Variants in PHACTR2 observed in about 807,000 individuals in gnomAD.
PHACTR2 encodes chromosome 6 open reading frame 56.
Under a neutral mutation model 76.0 loss-of-function variants are expected in PHACTR2, and 30 were observed. The observed-to-expected ratio is 0.39, with a 90% CI of 0.30 to 0.54. PHACTR2 has a LOEUF of 0.54. PHACTR2 is among the 20% of genes least tolerant of loss of function. The pLI is 0.61. For missense variants in PHACTR2, 696 were observed against 781.1 expected (o/e 0.89, Z 1.30); for synonymous variants, 292 against 292.5 (o/e 1.00, Z 0.02).
chr6:143,732,994 A>C (rs1001059813), intron 2 of PHACTR2, among the ~76,000 whole-genome samples: 1 of 152,094 alleles, frequency 6.6e-6, no homozygotes, highest in Non-Finnish European at 1.5e-5. Context: ...GCTCAAAGCA[A>C]TCCTCCTGCC....
chr6:143,701,276 G>C (rs1777906371), intron 1 of PHACTR2, among the ~76,000 whole-genome samples: 2 of 151,870 alleles, frequency 1.3e-5, no homozygotes, highest in Non-Finnish European at 2.9e-5. Context: ...TTTCCCTCTG[G>C]GAGTTTAAAA....
At chr6:143,804,129 G>T (rs901989677) in intron 11 of PHACTR2, among the ~76,000 whole-genome samples, 1 of 152,176 alleles carries the variant, frequency 6.6e-6, no homozygotes, top group South Asian at 2.1e-4. Context: ...ATTTGGGAAG[G>T]GCTCGGCCCA....
Position 143,742,486 on chromosome 6 carries a change from T to C in PHACTR2, c.215-6499T>C, listed in dbSNP as rs1250547773. The stretch of plus-strand genomic sequence containing the variant: ...ATTGTTCCAGCAAATTTTTTGGGCC[T>C]GGATCTTATTTCTGCAACTTGAGCA... On this transcript the variant is annotated intron_variant, in intron 2 of 12. Coordinates refer to ENST00000440869, the MANE Select transcript of PHACTR2 (RefSeq NM_001100164.2). The surrounding 1 kb of genome is among the most constrained non-coding windows in gnomAD (Gnocchi z 4.5). 6.6e-6 allele frequency among the ~76,000 whole-genome samples: 1 copy of C among 152,214 alleles called. No individual in the cohort carries two copies. Among genetic ancestry groups the C allele is most frequent in the East Asian group, 1.9e-4 (1 of 5,200 alleles).
intron 9 of PHACTR2, among the ~76,000 whole-genome samples, chr6:143,778,960 G>T (rs1775350904): frequency 6.6e-6 from 1 of 152,152 alleles, no homozygotes; most frequent in Admixed American, 6.5e-5. Flanking sequence ...TTTCCTGGAG[G>T]TTTGGGAAAG....
chr6:143,716,437 C>T (rs1213809823), intron 2 of PHACTR2, among the ~76,000 whole-genome samples: 3 of 152,096 alleles, frequency 2.0e-5, no homozygotes, highest in South Asian at 2.1e-4. Context: ...GAAATCCTCC[C>T]GCCTCAGCCT....
At chr6:143,736,554 A>ATTTTTTTTTTTT (rs776969170) in intron 2 of PHACTR2, among the ~76,000 whole-genome samples, 1 of 56,990 alleles carries the variant, frequency 1.8e-5, no homozygotes, top group African/African-American at 6.5e-5. Flanking sequence ...ACCCTTTACA[A>ATTTTTTTTTTTT]TTTTTTTTTT....
rs1775429944 is a variant in PHACTR2 at position 143,570,114 on chromosome 6, A to G, written c.217+32907A>G. On this transcript the variant is annotated intron_variant, in intron 1 of 11. Transcript: ENST00000367584. This position sits in a 1 kb window ranked among gnomAD's most constrained non-coding sequence, Gnocchi z 4.6. ...GTTTTTCTCCTTATTCTCTGCTCTTAAGAGATTCTGTTTCCCTTAAGTGTG... is the reference window on the plus strand; with the variant it reads ...GTTTTTCTCCTTATTCTCTGCTCTTGAGAGATTCTGTTTCCCTTAAGTGTG... Among the ~76,000 whole-genome samples the G allele has an allele frequency of 6.6e-6, 1 of 152,224 alleles. No homozygotes were observed. The highest frequency in any genetic ancestry group is 6.5e-5 in the Admixed American group (1 of 15,278).
At position 143,561,110 on chromosome 6, in the gene PHACTR2, CA is replaced by C. The variant is rs1034864536; in HGVS notation, c.217+23904del. ...CTGGCTGCCAGCCTGGGCCAGGCCC[CA>C]CACACCTCAAACACAAGCAGGGATT... On this transcript the variant is annotated intron_variant, in intron 1 of 11. Coordinates refer to the PHACTR2 transcript ENST00000367584. This position sits in a 1 kb window ranked among gnomAD's most constrained non-coding sequence, Gnocchi z 4.1. The C allele has an allele frequency of 4.6e-5, 7 of 153,190 alleles. No individual in the cohort carries two copies. Among genetic ancestry groups the C allele is most frequent in the African/African-American group, 1.7e-4 (7 of 41,454 alleles). 9.5% of individuals were successfully genotyped at this position (153,190 alleles called of 1,614,324 possible).
rs11325694 is a variant in PHACTR2 at position 143,555,923 on chromosome 6, C to CTTT, written c.217+18729_217+18731dup. On this transcript the variant is annotated intron_variant, in intron 1 of 11. Transcript: ENST00000367584. ...GAATTTAGGGCACTATGACATTTAGCTTTTTTTTTTTTTTTAAAGACTGTT... is the reference window on the plus strand; with the variant it reads ...GAATTTAGGGCACTATGACATTTAGCTTTTTTTTTTTTTTTTTTAAAGACTGTT... 4.3e-5 allele frequency among the ~76,000 whole-genome samples: 6 copies of CTTT among 138,906 alleles called. No individual in the cohort carries two copies. The Admixed American group carries it at 4.4e-4, about 10-fold the overall frequency. 91.1% of individuals were successfully genotyped at this position (138,906 alleles called of 152,430 possible).
rs891603487 is a variant in PHACTR2, at chr6:143,780,624, A to G, written c.1646-2595A>G. ...TTCTTTCTTCTTTTAGCTCATCCACAAAATTCTCTGGGTAACATTGCTCGC... is the reference window on the plus strand; with the variant it reads ...TTCTTTCTTCTTTTAGCTCATCCACGAAATTCTCTGGGTAACATTGCTCGC... On this transcript the variant is annotated intron_variant, in intron 9 of 12. Transcript: ENST00000440869. This position sits in a 1 kb window ranked among gnomAD's most constrained non-coding sequence, Gnocchi z 4.4. 2.0e-5 allele frequency among the ~76,000 whole-genome samples: 3 copies of G among 152,216 alleles called. No individual in the cohort carries two copies. Among genetic ancestry groups the G allele is most frequent in the Non-Finnish European group, 4.4e-5 (3 of 68,042 alleles).
chr6:143,652,338 A>G lies in PHACTR2; in HGVS notation c.13+44016A>G, dbSNP rs1181279663. ...AATAAAATATTTTGAAGTTTTTCCA[A>G]AGAAAAGAAACTCTGCCTGGCTGCA... is the stretch of plus-strand genomic sequence containing the variant. On this transcript the variant is annotated intron_variant, in intron 1 of 11. Coordinates refer to the PHACTR2 transcript ENST00000305766. This position sits in a 1 kb window ranked among gnomAD's most constrained non-coding sequence, Gnocchi z 4.5. Among the ~76,000 whole-genome samples, 1 of 152,206 alleles carries G rather than the reference A, an allele frequency of 6.6e-6. No homozygotes were observed. The highest frequency in any genetic ancestry group is 1.5e-5 in the Non-Finnish European group (1 of 68,042).
rs1775446571 is a variant in PHACTR2 at position 143,571,543 on chromosome 6, G to A, written c.217+34336G>A. On this transcript the variant is annotated intron_variant, in intron 1 of 11. Transcript: ENST00000367584. The surrounding 1 kb of genome is among the most constrained non-coding windows in gnomAD (Gnocchi z 4.6). ...CCCACCTCAGCCTCCTGAGCAGCTG[G>A]GACTACAGGTGTGCACTGCCACACC... is the stretch of plus-strand genomic sequence containing the variant. 6.6e-6 allele frequency among the ~76,000 whole-genome samples: 1 copy of A among 151,928 alleles called. No individual in the cohort carries two copies. Among genetic ancestry groups the A allele is most frequent in the Non-Finnish European group, 1.5e-5 (1 of 67,980 alleles).
At chr6:143,637,952 G>T (rs1017599714) in intron 1 of PHACTR2, among the ~76,000 whole-genome samples, 1 of 152,166 alleles carries the variant, frequency 6.6e-6, no homozygotes, top group Non-Finnish European at 1.5e-5. Context: ...TTACACAAAG[G>T]CTTGAACACC....
chr6:143,590,301 GAC>G (rs1412580167), intron 1 of PHACTR2, among the ~76,000 whole-genome samples: 1 of 152,032 alleles, frequency 6.6e-6, no homozygotes, highest in African/African-American at 2.4e-5. Context: ...GAAGATGGAG[GAC>G]CCACATTCAT....
rs572823729 is a variant in PHACTR2 at position 143,789,588 on chromosome 6, G to A, written c.1845+678G>A. ...ACCATTGTTCCATAGGCAAAGATTC[G>A]TGCCAACCGTTTGTTTTTAAATTGT... On this transcript the variant is annotated intron_variant, in intron 11 of 12. Transcript: ENST00000440869. The surrounding 1 kb of genome is among the most constrained non-coding windows in gnomAD (Gnocchi z 5.1). 2.0e-5 allele frequency among the ~76,000 whole-genome samples: 3 copies of A among 152,210 alleles called. No homozygotes were observed. The highest frequency in any genetic ancestry group is 2.1e-4 in the South Asian group (1 of 4,824).
Position 143,776,656 on chromosome 6 carries a change from GT to G in PHACTR2, c.1590-667del, listed in dbSNP as rs1394766347. On this transcript the variant is annotated intron_variant, in intron 8 of 12. Transcript: ENST00000440869. The surrounding 1 kb of genome is among the most constrained non-coding windows in gnomAD (Gnocchi z 5.3). Reference sequence around the variant, plus strand: ...CACATACCTGGTTTGAACCACTGCAGTTTTTGGTCTCTGCTACAGCTTAGCT... The same window carrying G: ...CACATACCTGGTTTGAACCACTGCAGTTTTGGTCTCTGCTACAGCTTAGCT... Among the ~76,000 whole-genome samples the G allele has an allele frequency of 1.3e-5, 2 of 152,080 alleles. No individual in the cohort carries two copies. Among genetic ancestry groups the G allele is most frequent in the African/African-American group, 2.4e-5 (1 of 41,400 alleles).
chr6:143,539,410 G>A lies in PHACTR2; in HGVS notation c.217+2203G>A, dbSNP rs1424856956. 6.6e-6 allele frequency among the ~76,000 whole-genome samples: 1 copy of A among 152,192 alleles called. No homozygotes were observed. Among genetic ancestry groups the A allele is most frequent in the Non-Finnish European group, 1.5e-5 (1 of 68,038 alleles). On this transcript the variant is annotated intron_variant, in intron 1 of 11. Transcript: ENST00000367584. This position sits in a 1 kb window ranked among gnomAD's most constrained non-coding sequence, Gnocchi z 4.3. ...CAGGAGCTCCCTGCTCTTAGAGTCA[G>A]AGAGAAAAAGAATGAGCAGGTCCTT...
At position 143,633,386 on chromosome 6, in the gene PHACTR2, C is replaced by T. The variant is rs1463611182; in HGVS notation, c.13+25064C>T. ...TGCTGAACATCTTTTCATATGCTCACTTGCCTTTTCCACCTGTATATCTTC... is the reference window on the plus strand; with the variant it reads ...TGCTGAACATCTTTTCATATGCTCATTTGCCTTTTCCACCTGTATATCTTC... On this transcript the variant is annotated intron_variant, in intron 1 of 11. Coordinates refer to the PHACTR2 transcript ENST00000305766. The surrounding 1 kb of genome is among the most constrained non-coding windows in gnomAD (Gnocchi z 4.1). Among the ~76,000 whole-genome samples, 3 of 152,206 alleles carry T rather than the reference C, an allele frequency of 2.0e-5. No homozygotes were observed. The highest frequency in any genetic ancestry group is 4.4e-5 in the Non-Finnish European group (3 of 68,028).
intron 1 of PHACTR2, among the ~76,000 whole-genome samples, chr6:143,573,449 G>T (rs972489348): frequency 2.0e-5 from 3 of 152,214 alleles, no homozygotes; most frequent in African/African-American, 7.2e-5. Flanking sequence ...ATGGGAGCCA[G>T]CCCAACTGTG....
Sources: allele counts gnomAD v4.1 joint callset (sites outside exome capture counted in the v4.1 genomes callset), GRCh38; gene constraint gnomAD v4.1.1; non-coding constraint Gnocchi (gnomAD v3.1); transcripts MANE v1.5; gene names NCBI Gene and HGNC (gene_info 2026-07-23, HGNC 2026-07-21).